Variants in PDLIM5 observed in about 807,000 individuals in gnomAD.
PDLIM5 encodes the protein PDZ and LIM domain 5.
PDLIM5 carries 34 observed loss-of-function variants against 64.2 expected under a neutral mutation model. The ratio of observed to expected loss-of-function variants is 0.53; its 90% confidence interval spans 0.40 to 0.71. The LOEUF is 0.71. Among genes scored for constraint, PDLIM5 ranks in the 30% least tolerant of loss-of-function variants. The probability of loss-of-function intolerance (pLI) is 0.00; values close to 1 mark genes in which losing one functional copy is unlikely to be tolerated. For synonymous variants in PDLIM5, 253 were observed against 269.1 expected, an observed-to-expected ratio of 0.94 and a Z score of 0.59; for missense variants, 683 against 733.6, an observed-to-expected ratio of 0.93 and a Z score of 0.80.
intron 1 of PDLIM5, among the ~76,000 whole-genome samples, chr4:94,454,740 A>G (rs115191982): frequency 0.012 from 1,798 of 152,324 alleles, 40 homozygotes; most frequent in African/African-American, 0.041. Flanking sequence ...TCTCATTGTA[A>G]AGAATTTAGT....
At chr4:94,527,766 C>A (rs1449725907) in intron 3 of PDLIM5, among the ~76,000 whole-genome samples, 1 of 152,216 alleles carries the variant, frequency 6.6e-6, no homozygotes, top group Non-Finnish European at 1.5e-5. Flanking sequence ...TGAAACTGGG[C>A]TTTTGTACCC....
chr4:94,549,546 A>G (rs1216593749), intron 3 of PDLIM5, among the ~76,000 whole-genome samples: 2 of 152,230 alleles, frequency 1.3e-5, no homozygotes, highest in Admixed American at 6.5e-5. Flanking sequence ...AATGGAGTCA[A>G]TATATCTTCG....
intron 3 of PDLIM5, among the ~76,000 whole-genome samples, chr4:94,525,347 G>A (rs1376533551): frequency 2.0e-5 from 3 of 152,098 alleles, no homozygotes; most frequent in Non-Finnish European, 4.4e-5. Flanking sequence ...GAACTCTAGA[G>A]GTGGAGGTTG....
intron 2 of PDLIM5, among the ~76,000 whole-genome samples, chr4:94,467,740 A>G (rs1006724409): frequency 3.9e-5 from 6 of 152,178 alleles, no homozygotes; most frequent in Non-Finnish European, 5.9e-5. Flanking sequence ...TGGTCTTCCC[A>G]TGTGTCAGCC....
rs1578574663 is a variant in PDLIM5, at chr4:94,666,149, A to C, written c.*2082A>C. ...ATCACTCACTTACGACATCACTTCC[A>C]TTGTGTGCATGTTTGTTATAGAGGA... is the stretch of plus-strand genomic sequence containing the variant. On this transcript the variant is annotated 3_prime_UTR_variant, in exon 13 of 13. Transcript: ENST00000317968. 1.4e-6 allele frequency: 1 copy of C among 734,954 alleles called. No individual in the cohort carries two copies. Among genetic ancestry groups the C allele is most frequent in the African/African-American group, 1.8e-5 (1 of 56,274 alleles). 45.5% of individuals were successfully genotyped at this position (734,954 alleles called of 1,614,324 possible).
chr4:94,572,459 T>A (rs1164739659), intron 3 of PDLIM5, among the ~76,000 whole-genome samples: 1 of 152,146 alleles, frequency 6.6e-6, no homozygotes, highest in Non-Finnish European at 1.5e-5. Flanking sequence ...CTCTGAAAAA[T>A]TAGGATAACC....
chr4:94,608,137 C>T, intron 7 of PDLIM5: 1 of 1,529,742 alleles, frequency 6.5e-7, no homozygotes. Context: ...CTATTGGTAG[C>T]CAAGTGGCCA....
intron 9 of PDLIM5, 144 bp downstream of exon 9, chr4:94,640,594 T>G: frequency 4.0e-6 from 2 of 496,740 alleles, no homozygotes; most frequent in Admixed American, 7.4e-5. Flanking sequence ...ATTGAGTAAA[T>G]ACGAATATCT....
At position 94,664,050 on chromosome 4, in the gene PDLIM5, C is replaced by G. The variant is rs1032754488; in HGVS notation, c.1774C>G (p.His592Asp). 4.4e-6 allele frequency: 7 copies of G among 1,602,900 alleles called. No homozygotes were observed. Among genetic ancestry groups the G allele is most frequent in the Non-Finnish European group, 5.1e-6 (6 of 1,173,404 alleles). The part of the protein sequence containing the change: ...KDKPLCKKHA[H>D]SVNF ...CAAGCCCCTGTGTAAGAAACATGCT[C>G]ATTCTGTGAATTTTTGAAAGTCAAC... The change falls in exon 13 of 13, where the codon CAT (histidine) becomes GAT (aspartate). Residue 592 changes from histidine to aspartate, a missense_variant. By Grantham distance (81) the His-to-Asp change is moderately conservative. Transcript: ENST00000317968.
intron 2 of PDLIM5, among the ~76,000 whole-genome samples, chr4:94,485,849 C>CAA (rs10637280): frequency 0.013 from 1,328 of 99,996 alleles, 19 homozygotes; most frequent in African/African-American, 0.037. Flanking sequence ...GACTCCGTCT[C>CAA]AAAAAAAAAA....
chr4:94,569,003 G>T, intron 3 of PDLIM5, among the ~76,000 whole-genome samples: 1 of 152,154 alleles, frequency 6.6e-6, no homozygotes, highest in East Asian at 1.9e-4. Flanking sequence ...TTTTTGGCAC[G>T]TTGAGTGAAA....
chr4:94,626,814 A>G (rs1355877449), intron 8 of PDLIM5, among the ~76,000 whole-genome samples: 1 of 151,856 alleles, frequency 6.6e-6, no homozygotes, highest in Non-Finnish European at 1.5e-5. Context: ...TTTGTGAGAA[A>G]GACTCAAATA....
chr4:94,591,351 A>G (rs1736659310), intron 7 of PDLIM5, among the ~76,000 whole-genome samples: 1 of 152,158 alleles, frequency 6.6e-6, no homozygotes, highest in Non-Finnish European at 1.5e-5. Context: ...TTAGACTGAG[A>G]TTTGTAACTC....
chr4:94,468,439 A>G (rs1724563209), intron 2 of PDLIM5, among the ~76,000 whole-genome samples: 1 of 152,116 alleles, frequency 6.6e-6, no homozygotes, highest in Admixed American at 6.5e-5. Flanking sequence ...GCATCTGTGC[A>G]CTTTTGTACT....
intron 8 of PDLIM5, among the ~76,000 whole-genome samples, chr4:94,638,345 G>A (rs1038258738): frequency 6.6e-6 from 1 of 152,168 alleles, no homozygotes; most frequent in Non-Finnish European, 1.5e-5. Context: ...ATGGAAACAT[G>A]TTCCTAGTCC....
At chr4:94,644,528 A>C (rs943370439) in intron 9 of PDLIM5, among the ~76,000 whole-genome samples, 22 of 151,028 alleles carry the variant, frequency 1.5e-4, no homozygotes, top group African/African-American at 5.1e-4. Flanking sequence ...CATGCCAAGA[A>C]CTTTTTTTTT....
rs1236629501 is a variant in PDLIM5, at chr4:94,452,011, C to G, written c.-43+16C>G. On this transcript the variant is annotated intron_variant, in intron 1 of 12. Transcript: ENST00000317968. ...CGGACCCGAGGTGAGTGGCGGCCGG[C>G]CGGCGATGCGCCTCTCGGATCTCCG... 2.0e-5 allele frequency: 3 copies of G among 152,248 alleles called. No homozygotes were observed. Among genetic ancestry groups the G allele is most frequent in the African/African-American group, 7.2e-5 (3 of 41,428 alleles). The allele number at this position is 152,248 out of a possible 1,614,324, so 9.4% of individuals were successfully genotyped here.
chr4:94,554,772 A>ATG (rs61594676), intron 3 of PDLIM5, among the ~76,000 whole-genome samples: 151,917 of 152,250 alleles, frequency 1, 75,792 homozygotes, highest in East Asian at 1. Context: ...GGTATCTGCA[A>ATG]TGTGTGTACA....
At chr4:94,510,801 A>T (rs1004940132) in intron 2 of PDLIM5, among the ~76,000 whole-genome samples, 6 of 152,258 alleles carry the variant, frequency 3.9e-5, no homozygotes, top group African/African-American at 7.2e-5. Context: ...TGAGGTCAGG[A>T]ATTCGAGACC....
Sources: allele counts gnomAD v4.1 joint callset (sites outside exome capture counted in the v4.1 genomes callset), GRCh38; gene constraint gnomAD v4.1.1; transcripts MANE v1.5; gene names NCBI Gene and HGNC (gene_info 2026-07-23, HGNC 2026-07-21).